DLGAP2: variants seen among roughly 807,000 people sequenced by gnomAD.
DLGAP2 encodes the protein disks large-associated protein 2.
In DLGAP2, 26 loss-of-function variants were observed where a neutral mutation model predicts 100.3. That is an observed-to-expected ratio of 0.26 (90% CI 0.19 to 0.36). The LOEUF is 0.36. DLGAP2 is among the 10% of genes least tolerant of loss of function. The probability of loss-of-function intolerance (pLI) is 1.00; values close to 1 mark genes in which losing one functional copy is unlikely to be tolerated. For missense variants in DLGAP2, 1,858 were observed against 1,453.2 expected (o/e 1.28, Z -4.53); for synonymous variants, 886 against 630.1 (o/e 1.41, Z -6.08).
rs75727723 is a variant in DLGAP2, at chr8:1,635,132, G to C, written c.1810+2086G>C. Among the ~76,000 whole-genome samples the C allele has an allele frequency of 9.0e-3, 1,367 of 152,190 alleles. 20 individuals are homozygous for C. The highest frequency in any genetic ancestry group is 0.031 in the African/African-American group (1,299 of 41,518). On this transcript the variant is annotated intron_variant, in intron 8 of 14. Coordinates refer to ENST00000637795, the MANE Select transcript of DLGAP2 (RefSeq NM_001346810.2). ...AAGTACAGATTAATCATTAACCTCT[G>C]CTGTTTCCCATTTTACTCTAAGTAT...
chr8:987,142 C>T (rs1036715660), intron 2 of DLGAP2, among the ~76,000 whole-genome samples: 1 of 152,174 alleles, frequency 6.6e-6, no homozygotes, highest in African/African-American at 2.4e-5. Context: ...ATTCTCTCTG[C>T]TCTCCTTCCT....
At chr8:1,391,351 G>T (rs1796347603) in intron 3 of DLGAP2, among the ~76,000 whole-genome samples, 2 of 152,200 alleles carry the variant, frequency 1.3e-5, no homozygotes, top group South Asian at 4.1e-4. Flanking sequence ...GTACCCATGA[G>T]TCTGGATGCC....
At chr8:1,574,892 C>G (rs145551615) in intron 6 of DLGAP2, among the ~76,000 whole-genome samples, 1 of 152,292 alleles carries the variant, frequency 6.6e-6, no homozygotes, top group African/African-American at 2.4e-5. Flanking sequence ...GAGAAAATAC[C>G]TAATGAGTCT....
chr8:778,927 C>T (rs1322515822), intron 1 of DLGAP2, among the ~76,000 whole-genome samples: 1 of 152,252 alleles, frequency 6.6e-6, no homozygotes, highest in African/African-American at 2.4e-5. Context: ...ATGGTGGGCG[C>T]CCCTCCCCCA....
At chr8:1,060,724 T>G (rs1009650730) in intron 2 of DLGAP2, among the ~76,000 whole-genome samples, 10 of 152,224 alleles carry the variant, frequency 6.6e-5, no homozygotes, top group Non-Finnish European at 1.0e-4. Flanking sequence ...CCTCACTGAA[T>G]GACTGCCCCA....
At chr8:1,625,981 C>T (rs1159570320) in intron 6 of DLGAP2, among the ~76,000 whole-genome samples, 2 of 151,208 alleles carry the variant, frequency 1.3e-5, no homozygotes, top group African/African-American at 4.9e-5. Context: ...GGTGCTCAGC[C>T]TCTGGGTGTG....
intron 2 of DLGAP2, among the ~76,000 whole-genome samples, chr8:943,543 G>A (rs60247366): frequency 0.28 from 39,979 of 144,076 alleles, 5,953 homozygotes; most frequent in Admixed American, 0.39. Context: ...AGGAGGTGGC[G>A]TGTGGACGTC....
intron 1 of DLGAP2, among the ~76,000 whole-genome samples, chr8:853,757 A>G (rs17667061): frequency 0.29 from 43,485 of 152,128 alleles, 6,515 homozygotes; most frequent in Non-Finnish European, 0.33. Flanking sequence ...TTCAGTATTC[A>G]TGCCCTGATT....
intron 3 of DLGAP2, among the ~76,000 whole-genome samples, chr8:1,423,783 C>T (rs1169693338): frequency 6.6e-6 from 1 of 152,176 alleles, no homozygotes; most frequent in Non-Finnish European, 1.5e-5. Context: ...GCAACGGGCC[C>T]ATGCACTTGC....
intron 4 of DLGAP2, among the ~76,000 whole-genome samples, chr8:1,537,359 G>T (rs1801188274): frequency 6.6e-6 from 1 of 152,078 alleles, no homozygotes; most frequent in Admixed American, 6.6e-5. Context: ...AACAAGGCAG[G>T]AAAATGGGGA....
intron 3 of DLGAP2, among the ~76,000 whole-genome samples, chr8:1,267,249 A>C (rs1458455352): frequency 6.5e-4 from 46 of 70,820 alleles, no homozygotes; most frequent in Middle Eastern, 7.6e-3. Context: ...ATAAATAAAT[A>C]AAATAAAATA....
At chr8:1,382,114 T>A (rs1004133441) in intron 3 of DLGAP2, among the ~76,000 whole-genome samples, 1 of 152,236 alleles carries the variant, frequency 6.6e-6, no homozygotes, top group Non-Finnish European at 1.5e-5. Context: ...GATAGCCTCC[T>A]GTTAACCAGA....
chr8:1,432,573 C>CTT (rs1320315965), intron 3 of DLGAP2, among the ~76,000 whole-genome samples: 1 of 152,182 alleles, frequency 6.6e-6, no homozygotes, highest in Non-Finnish European at 1.5e-5. Flanking sequence ...ATTTATGAAA[C>CTT]TTTGTCTTTT....
chr8:951,361 C>T (rs1004556228), intron 2 of DLGAP2, among the ~76,000 whole-genome samples: 8 of 152,292 alleles, frequency 5.3e-5, no homozygotes, highest in African/African-American at 1.9e-4. Context: ...TCTCCTGCCT[C>T]AGCCTCCCAA....
In DLGAP2 at chr8:1,206,568, G is replaced by A. The variant is rs796698104; in HGVS notation, c.74-52283G>A. ...GTGAGCGGTTAATCTCCAGCCATCC[G>A]TGGGCGGGGGTAGACTGTGAGCAGT... On this transcript the variant is annotated intron_variant, in intron 2 of 14. Coordinates refer to ENST00000637795, the MANE Select transcript of DLGAP2 (RefSeq NM_001346810.2). Among the ~76,000 whole-genome samples the A allele has an allele frequency of 5.2e-3, 327 of 63,172 alleles. 13 individuals carry two copies. The highest frequency in any genetic ancestry group is 0.021 in the African/African-American group (209 of 9,970). 41.4% of individuals were successfully genotyped at this position (63,172 alleles called of 152,430 possible). A position where few individuals can be genotyped will look rare whatever the true frequency, so the allele number is the denominator to read the frequency against.
Position 1,628,780 on chromosome 8 carries a change from C to T in DLGAP2, c.1590+1893C>T, listed in dbSNP as rs183912186. ...TTACTGTGGAGCAGGGATTAAGAGC[C>T]TGAGCGCAGGGATTAAGAGCCTGAG... On this transcript the variant is annotated intron_variant, in intron 7 of 14. Transcript: ENST00000637795. Among the ~76,000 whole-genome samples, 203 of 145,030 alleles carry T rather than the reference C, an allele frequency of 1.4e-3. 1 individual carries two copies. Among genetic ancestry groups the T allele is most frequent in the African/African-American group, 5.1e-3 (196 of 38,758 alleles).
At chr8:1,071,329 G>T (rs1007797922) in intron 2 of DLGAP2, among the ~76,000 whole-genome samples, 1 of 152,096 alleles carries the variant, frequency 6.6e-6, no homozygotes, top group Non-Finnish European at 1.5e-5. Context: ...TAACCACTTC[G>T]GCCGCCTCCA....
Position 1,196,290 on chromosome 8 carries a change from C to T in DLGAP2, c.74-62561C>T, listed in dbSNP as rs143903639. On this transcript the variant is annotated intron_variant, in intron 2 of 14. Transcript: ENST00000637795. ...CTGCATAGAGTAAAGCATTTGTGTCCACACACTGCAGTGACAACTATTTCC... is the reference window on the plus strand; with the variant it reads ...CTGCATAGAGTAAAGCATTTGTGTCTACACACTGCAGTGACAACTATTTCC... Among the ~76,000 whole-genome samples, 15 of 152,284 alleles carry T rather than the reference C, an allele frequency of 9.9e-5. No individual in the cohort carries two copies. The East Asian group carries it at 2.9e-3, about 29-fold the overall frequency.
At chr8:1,211,085 G>A (rs1244407878) in intron 2 of DLGAP2, among the ~76,000 whole-genome samples, 1 of 152,250 alleles carries the variant, frequency 6.6e-6, no homozygotes, top group Non-Finnish European at 1.5e-5. Flanking sequence ...AAGTGAGGAT[G>A]AGCTGTGGTT....
Sources: allele counts gnomAD v4.1 joint callset (sites outside exome capture counted in the v4.1 genomes callset), GRCh38; gene constraint gnomAD v4.1.1; transcripts MANE v1.5; gene names NCBI Gene and HGNC (gene_info 2026-07-23, HGNC 2026-07-21).